Variants in SCAMP4 observed in about 807,000 individuals in gnomAD.
SCAMP4 encodes secretory carrier-associated membrane protein 4.
In SCAMP4, 19 loss-of-function variants were observed where a neutral mutation model predicts 32.1. The observed-to-expected ratio is 0.59, with a 90% confidence interval of 0.41 to 0.87. The LOEUF is 0.87. SCAMP4 is among the 40% of genes least tolerant of loss of function. The probability of loss-of-function intolerance (pLI) is 0.00; values close to 1 mark genes in which losing one functional copy is unlikely to be tolerated. For missense variants in SCAMP4, 302 were observed against 309.0 expected, an observed-to-expected ratio of 0.98 and a Z score of 0.17; for synonymous variants, 152 against 132.7, an observed-to-expected ratio of 1.15 and a Z score of -1.00.
chr19:1,919,865 A>G (rs1286213207), intron 5 of SCAMP4, among the ~76,000 whole-genome samples: 2 of 150,118 alleles, frequency 1.3e-5, no homozygotes, highest in African/African-American at 4.9e-5. Flanking sequence ...GCTGGGGTGC[A>G]GTGACATGAT....
At chr19:1,915,713 G>A (rs1488829479) in intron 2 of SCAMP4, among the ~76,000 whole-genome samples, 1 of 152,110 alleles carries the variant, frequency 6.6e-6, no homozygotes, top group Non-Finnish European at 1.5e-5. Flanking sequence ...TTGGGAGGCC[G>A]AGGCGGGTGG....
chr19:1,920,890 C>T (rs1204115714), intron 5 of SCAMP4: 8 of 985,396 alleles, frequency 8.1e-6, no homozygotes, highest in Non-Finnish European at 8.4e-6. Flanking sequence ...CCTCCCTGCC[C>T]CCTCGGCCCT....
At chr19:1,907,391 T>TAAAAAAA (rs111426560) in intron 1 of SCAMP4, among the ~76,000 whole-genome samples, 1 of 137,344 alleles carries the variant, frequency 7.3e-6, no homozygotes, top group African/African-American at 2.7e-5. Context: ...AGCCCTGCCT[T>TAAAAAAA]AAAAAAAAAA....
chr19:1,921,059 C>G lies in SCAMP4; in HGVS notation c.396-2011C>G, dbSNP rs965578472. On this transcript the variant is annotated intron_variant, in intron 5 of 6. Transcript: ENST00000316097. The stretch of plus-strand genomic sequence containing the variant: ...CAGCGGGTCTTAGGAGAGCCCGGCC[C>G]CCCTTGTAATGAGAGAAATCAAACC... 5.1e-6 allele frequency: 5 copies of G among 985,302 alleles called. No homozygotes were observed. In the African/African-American group the frequency reaches 7.0e-5, roughly 14 times the overall value. 61.0% of individuals were successfully genotyped at this position (985,302 alleles called of 1,614,324 possible). A position where few individuals can be genotyped will look rare whatever the true frequency, so the allele number is the denominator to read the frequency against.
At chr19:1,917,600 T>G (rs770593885) in intron 2 of SCAMP4, 94 bp from the exon 3 acceptor site, 45 of 1,455,374 alleles carry the variant, frequency 3.1e-5, no homozygotes, top group Non-Finnish European at 4.3e-5. Context: ...CCTTCTGCCA[T>G]GAGAGGCAAC....
intron 1 of SCAMP4, among the ~76,000 whole-genome samples, chr19:1,913,644 G>A (rs1411879906): frequency 1.3e-5 from 2 of 152,198 alleles, no homozygotes; most frequent in Admixed American, 1.3e-4. Flanking sequence ...GGTTCCAGGC[G>A]TGCCTGGCCC....
At position 1,917,699 on chromosome 19, in the gene SCAMP4, G is replaced by T; in HGVS notation, c.13G>T (p.Glu5Ter). The part of the protein sequence containing the change: MSEK[E>*]NNFPPLPKFI... ...TGGGTTCTCTGTCCCTACAGAAAAG[G>T]AGAACAACTTCCCGCCACTGCCCAA... is the stretch of plus-strand genomic sequence containing the variant. The change falls in exon 3 of 7, where the codon GAG (glutamate) becomes TAG (stop). Residue 5 changes from glutamate to a stop codon, truncating the protein, a stop_gained. Coordinates refer to ENST00000316097, the MANE Select transcript of SCAMP4 (RefSeq NM_079834.4). LOFTEE classifies it high-confidence loss of function. The T allele has an allele frequency of 6.2e-7, 1 of 1,613,988 alleles. No homozygotes were observed. Among genetic ancestry groups the T allele is most frequent in the Non-Finnish European group, 8.5e-7 (1 of 1,179,900 alleles).
chr19:1,912,653 G>T, intron 1 of SCAMP4: 1 of 1,422,616 alleles, frequency 7.0e-7, no homozygotes, highest in Middle Eastern at 1.9e-4. Flanking sequence ...CGGCCCGGCG[G>T]GCAGCAGCGC....
chr19:1,908,609 C>T lies in SCAMP4; in HGVS notation c.-42+3170C>T. 1 of 470,714 alleles carries T rather than the reference C, an allele frequency of 2.1e-6. No homozygotes were observed. Among genetic ancestry groups the T allele is most frequent in the Non-Finnish European group, 4.4e-6 (1 of 226,932 alleles). The allele number at this position is 470,714 out of a possible 1,614,324, so 29.2% of individuals were successfully genotyped here. Reference sequence around the variant, plus strand: ...CCAGCACCATCTGAGGCAGTACTGTCTGCTAGAAATAACTGTGAGCACACA... The same window carrying T: ...CCAGCACCATCTGAGGCAGTACTGTTTGCTAGAAATAACTGTGAGCACACA... On this transcript the variant is annotated intron_variant, in intron 1 of 6. Coordinates refer to ENST00000316097, the MANE Select transcript of SCAMP4 (RefSeq NM_079834.4). This position sits in a 1 kb window ranked among gnomAD's most constrained non-coding sequence, Gnocchi z 4.2.
rs1336169352 is a variant in SCAMP4, at chr19:1,924,249, G to A, written c.655G>A (p.Val219Met). Residue 219 changes from valine to methionine, a missense_variant, in exon 7 of 7, where the codon GTG becomes ATG. Coordinates refer to ENST00000316097, the MANE Select transcript of SCAMP4 (RefSeq NM_079834.4). ...SGNSLPEYPTVPSYPGSGQWP is the reference protein window; with the variant it reads ...SGNSLPEYPTMPSYPGSGQWP ...CAACAGCCTGCCCGAGTACCCCACT[G>A]TGCCCAGCTACCCGGGCAGTGGCCA... 1.9e-6 allele frequency: 3 copies of A among 1,603,794 alleles called. No individual in the cohort carries two copies. Among genetic ancestry groups the A allele is most frequent in the Non-Finnish European group, 2.6e-6 (3 of 1,175,638 alleles).
chr19:1,914,048 C>T (rs2013640542), intron 1 of SCAMP4, among the ~76,000 whole-genome samples: 1 of 152,160 alleles, frequency 6.6e-6, no homozygotes, highest in South Asian at 2.1e-4. Context: ...TGGAGGGTCC[C>T]GGATGGGGCC....
At chr19:1,916,771 C>A (rs550863325) in intron 2 of SCAMP4, among the ~76,000 whole-genome samples, 2 of 152,326 alleles carry the variant, frequency 1.3e-5, no homozygotes, top group East Asian at 1.9e-4. Flanking sequence ...TTCTGTTGTT[C>A]TAAGCCTCCC....
intron 6 of SCAMP4, 95 bp from the exon 7 acceptor site, chr19:1,924,013 G>A (rs927691690): frequency 1.2e-5 from 10 of 820,690 alleles, no homozygotes; most frequent in Non-Finnish European, 1.9e-5. Flanking sequence ...GTCTGCCTCG[G>A]CCTCCCGAAG....
chr19:1,906,554 AATAC>A (rs2013123777), intron 1 of SCAMP4: 1 of 151,738 alleles, frequency 6.6e-6, no homozygotes, highest in African/African-American at 2.4e-5. Flanking sequence ...AAATAAATAA[AATAC>A]ATACGTGTAG....
chr19:1,911,911 G>A, intron 1 of SCAMP4: 1 of 1,135,352 alleles, frequency 8.8e-7, no homozygotes, highest in Non-Finnish European at 1.2e-6. Context: ...ACATGAGGGA[G>A]TGTAGCTCTG....
intron 1 of SCAMP4, chr19:1,913,100 G>A (rs2013584063): frequency 1.3e-6 from 2 of 1,595,948 alleles, no homozygotes; most frequent in South Asian, 1.1e-5. Flanking sequence ...GCTTCCAGGT[G>A]TTCCGCGGGG....
chr19:1,911,917 C>A, intron 1 of SCAMP4: 1 of 1,206,352 alleles, frequency 8.3e-7, no homozygotes, highest in Non-Finnish European at 1.1e-6. Context: ...GGGAGTGTAG[C>A]TCTGATGCGG....
At chr19:1,909,187 G>C (rs2013302615) in intron 1 of SCAMP4, among the ~76,000 whole-genome samples, 1 of 152,120 alleles carries the variant, frequency 6.6e-6, no homozygotes. Context: ...TGTGGGGGCA[G>C]ATGCAGGTGG....
intron 2 of SCAMP4, among the ~76,000 whole-genome samples, chr19:1,917,210 G>A (rs898165404): frequency 6.6e-6 from 1 of 152,158 alleles, no homozygotes; most frequent in African/African-American, 2.4e-5. Context: ...GGAGGCTGAG[G>A]CAGAAGAATC....
Sources: allele counts gnomAD v4.1 joint callset (sites outside exome capture counted in the v4.1 genomes callset), GRCh38; gene constraint gnomAD v4.1.1; non-coding constraint Gnocchi (gnomAD v3.1); transcripts MANE v1.5; gene names NCBI Gene and HGNC (gene_info 2026-07-23, HGNC 2026-07-21).